FBXO34: variants seen among roughly 807,000 people sequenced by gnomAD.
FBXO34 encodes F-box protein 34.
Under a neutral mutation model 24.5 loss-of-function variants are expected in FBXO34, and 12 were observed. The observed-to-expected ratio is 0.49, with a 90% CI of 0.31 to 0.79. The LOEUF (loss-of-function observed/expected upper bound fraction) is 0.79. FBXO34 is among the 30% of genes least tolerant of loss of function. The pLI is 0.04. For missense variants in FBXO34, 823 were observed against 857.7 expected (o/e 0.96, Z 0.51); for synonymous variants, 320 against 311.9 (o/e 1.03, Z -0.27).
downstream of FBXO34, among the ~76,000 whole-genome samples, chr14:55,373,804 CAAAA>C (rs71705938): frequency 3.7e-5 from 5 of 135,290 alleles, no homozygotes; most frequent in East Asian, 2.1e-4. Flanking sequence ...AAATTTGTTT[CAAAA>C]AAAAAAAAAA....
chr14:55,411,444 G>C, the FBXO34 span, among the ~76,000 whole-genome samples: 1 of 152,236 alleles, frequency 6.6e-6, no homozygotes, highest in South Asian at 2.1e-4. Context: ...TCCTCTGGTA[G>C]CAAAGCTCCG....
At chr14:55,385,854 T>A in the FBXO34 span, 1 of 1,599,894 alleles carries the variant, frequency 6.3e-7, no homozygotes, top group Non-Finnish European at 8.5e-7. Context: ...ACTTGCTTAA[T>A]GTACCTCACA....
intron 1 of FBXO34, among the ~76,000 whole-genome samples, chr14:55,333,294 A>G (rs1883661955): frequency 6.6e-6 from 1 of 152,164 alleles, no homozygotes; most frequent in South Asian, 2.1e-4. Flanking sequence ...TCTGACTATT[A>G]CCACATTCCC....
At chr14:55,439,619 C>G in the FBXO34 span, among the ~76,000 whole-genome samples, 3 of 118,036 alleles carry the variant, frequency 2.5e-5, no homozygotes, top group Admixed American at 1.7e-4. Context: ...AGCAAACCCC[C>G]CCCCGTCTCT....
At chr14:55,292,613 C>T (rs1283890282) in intron 1 of FBXO34, among the ~76,000 whole-genome samples, 1 of 152,116 alleles carries the variant, frequency 6.6e-6, no homozygotes, top group East Asian at 1.9e-4. Flanking sequence ...TTCTGCCTCC[C>T]AAAGTGCTGG....
downstream of FBXO34, among the ~76,000 whole-genome samples, chr14:55,355,710 C>T (rs959272460): frequency 3.3e-5 from 5 of 152,192 alleles, no homozygotes; most frequent in African/African-American, 1.2e-4. Flanking sequence ...ACCGAGGGAC[C>T]ACTGTGGAGC....
chr14:55,418,389 G>T, the FBXO34 span, among the ~76,000 whole-genome samples: 1 of 152,178 alleles, frequency 6.6e-6, no homozygotes, highest in South Asian at 2.1e-4. Context: ...TTCCAGTTCT[G>T]TTCTTACATC....
rs948250360 is a variant in FBXO34 at position 55,353,578 on chromosome 14, A to T, written c.*1052A>T. On this transcript the variant is annotated 3_prime_UTR_variant, in exon 2 of 2. Transcript: ENST00000313833. ...ATCCTGTCTGGTTACAAAATTTTTT[A>T]AAACTTAAATAAAAACATGCATCTT... The T allele has an allele frequency of 1.2e-5, 2 of 167,144 alleles. No homozygotes were observed. Among genetic ancestry groups the T allele is most frequent in the African/African-American group, 4.8e-5 (2 of 41,470 alleles). 10.4% of individuals were successfully genotyped at this position (167,144 alleles called of 1,614,324 possible).
chr14:55,430,123 A>C, the FBXO34 span, among the ~76,000 whole-genome samples: 2 of 152,128 alleles, frequency 1.3e-5, no homozygotes, highest in Non-Finnish European at 2.9e-5. Context: ...ATTTCTCCTT[A>C]GGTATTTTTC....
intron 1 of FBXO34, among the ~76,000 whole-genome samples, chr14:55,341,319 G>C (rs1362632621): frequency 6.6e-6 from 1 of 152,216 alleles, no homozygotes; most frequent in African/African-American, 2.4e-5. Flanking sequence ...GAAGATGGGA[G>C]GGGGTCTTTT....
chr14:55,322,122 A>C (rs1883155269), intron 1 of FBXO34, among the ~76,000 whole-genome samples: 1 of 152,086 alleles, frequency 6.6e-6, no homozygotes, highest in South Asian at 2.1e-4. Flanking sequence ...GGAGATCGAG[A>C]CCACGGTGAA....
chr14:55,391,902 CAAGT>C, the FBXO34 span, among the ~76,000 whole-genome samples: 2 of 152,118 alleles, frequency 1.3e-5, no homozygotes, highest in Admixed American at 6.5e-5. Context: ...GTGCATAACT[CAAGT>C]AAGATTTCCT....
At chr14:55,334,417 T>C (rs1024000567) in intron 1 of FBXO34, among the ~76,000 whole-genome samples, 4 of 152,178 alleles carry the variant, frequency 2.6e-5, no homozygotes, top group East Asian at 3.9e-4. Context: ...ATAAGATTAC[T>C]TCTATCTTGA....
At chr14:55,395,842 A>C in the FBXO34 span, 1 of 900,524 alleles carries the variant, frequency 1.1e-6, no homozygotes, top group Non-Finnish European at 1.6e-6. Flanking sequence ...GGACTGCTAA[A>C]TACGATTTTT....
chr14:55,351,912 G>C lies in FBXO34; in HGVS notation c.1522G>C (p.Ala508Pro). 1 of 1,614,162 alleles carries C rather than the reference G, an allele frequency of 6.2e-7. No homozygotes were observed. Among genetic ancestry groups the C allele is most frequent in the African/African-American group, 1.3e-5 (1 of 75,024 alleles). The change falls in exon 2 of 2, where the codon GCC becomes CCC. Residue 508 changes from alanine to proline, a missense_variant. Physicochemically the swap from Ala to Pro is conservative, Grantham distance 27. This residue lies in a region of FBXO34 where 693 missense variants were observed against 659.1 expected (regional missense o/e 1.05). Coordinates refer to ENST00000313833, the MANE Select transcript of FBXO34 (RefSeq NM_017943.4). ...NESTTKESSE[A>P]SQLEDAAGGD... ...AAGCACAACAAAAGAGTCTTCAGAG[G>C]CCAGCCAGCTTGAAGATGCTGCTGG...
At chr14:55,340,520 T>G (rs1269158173) in intron 1 of FBXO34, among the ~76,000 whole-genome samples, 2 of 152,152 alleles carry the variant, frequency 1.3e-5, no homozygotes, top group Non-Finnish European at 2.9e-5. Context: ...GTGCTGGGAT[T>G]ACACATGTGA....
At position 55,343,763 on chromosome 14, in the gene FBXO34, T is replaced by C. The variant is rs368530913; in HGVS notation, c.-10-6618T>C. On this transcript the variant is annotated intron_variant, in intron 1 of 1. Transcript: ENST00000313833. ...CTTCCTATTAGCACTAAGAGAAATA[T>C]CGTCCTTTCTCCTTTTCTGACCACG... is the stretch of plus-strand genomic sequence containing the variant. 1.7e-4 allele frequency among the ~76,000 whole-genome samples: 26 copies of C among 152,360 alleles called. No homozygotes were observed. The East Asian group carries it at 4.0e-3, about 24-fold the overall frequency.
At chr14:55,349,807 A>G (rs533960139) in intron 1 of FBXO34, among the ~76,000 whole-genome samples, 44 of 151,960 alleles carry the variant, frequency 2.9e-4, no homozygotes, top group South Asian at 1.9e-3. Context: ...GGGTTTTCCC[A>G]TGTTGGCCGG....
intron 1 of FBXO34, among the ~76,000 whole-genome samples, chr14:55,308,759 A>C (rs1466551137): frequency 6.6e-6 from 1 of 152,242 alleles, no homozygotes; most frequent in Non-Finnish European, 1.5e-5. Flanking sequence ...AGGAGTTTGA[A>C]CCAAGAGCTC....
Sources: allele counts gnomAD v4.1 joint callset (sites outside exome capture counted in the v4.1 genomes callset), GRCh38; gene constraint gnomAD v4.1.1; regional missense constraint gnomAD v4.1.1; transcripts MANE v1.5; gene names NCBI Gene and HGNC (gene_info 2026-07-23, HGNC 2026-07-21).